PLEKHA6: variants seen among roughly 807,000 people sequenced by gnomAD.
PLEKHA6 encodes the protein pleckstrin homology domain-containing family A member 6.
In PLEKHA6, 60 loss-of-function variants were observed where a neutral mutation model predicts 116.7. The observed-to-expected ratio is 0.51, with a 90% CI of 0.42 to 0.64. PLEKHA6 has a LOEUF of 0.64. Among genes scored for constraint, PLEKHA6 ranks in the 30% least tolerant of loss-of-function variants. The probability of loss-of-function intolerance (pLI) is 0.00; values close to 1 mark genes in which losing one functional copy is unlikely to be tolerated. For missense variants in PLEKHA6, 1,338 were observed against 1,422.7 expected, an observed-to-expected ratio of 0.94 and a Z score of 0.96; for synonymous variants, 489 against 556.1, an observed-to-expected ratio of 0.88 and a Z score of 1.70.
intron 1 of PLEKHA6, chr1:204,309,147 T>C: frequency 1.5e-6 from 1 of 658,866 alleles, no homozygotes; most frequent in Non-Finnish European, 1.9e-6. Context: ...AGGGAAATAT[T>C]TGACGTGCAG....
intron 13 of PLEKHA6, among the ~76,000 whole-genome samples, chr1:204,246,214 C>T (rs944950648): frequency 1.3e-5 from 2 of 152,132 alleles, no homozygotes; most frequent in Admixed American, 1.3e-4. Context: ...ATTTAGCATC[C>T]CTCAGCACCA....
intron 3 of PLEKHA6, among the ~76,000 whole-genome samples, chr1:204,366,075 G>T (rs568495440): frequency 3.9e-5 from 6 of 152,364 alleles, no homozygotes; most frequent in African/African-American, 1.4e-4. Context: ...AGCACAGCCA[G>T]CCAGTCATGG....
chr1:204,251,694 A>G (rs1481133605), intron 9 of PLEKHA6: 11 of 662,866 alleles, frequency 1.7e-5, no homozygotes, highest in Non-Finnish European at 3.0e-5. Context: ...CTTGTTTCCC[A>G]GGAAACAGGG....
At chr1:204,371,201 G>T (rs1471068882) in intron 2 of PLEKHA6, among the ~76,000 whole-genome samples, 2 of 152,202 alleles carry the variant, frequency 1.3e-5, no homozygotes, top group Admixed American at 1.3e-4. Flanking sequence ...CTAGAGCGCA[G>T]CACTGGGGGC....
chr1:204,259,173 G>A lies in PLEKHA6; in HGVS notation c.1007+85C>T, dbSNP rs1466033526. 2 of 1,450,626 alleles carry A rather than the reference G, an allele frequency of 1.4e-6. No homozygotes were observed. The highest frequency in any genetic ancestry group is 1.9e-6 in the Non-Finnish European group (2 of 1,073,830). 89.9% of individuals were successfully genotyped at this position (1,450,626 alleles called of 1,614,324 possible). The stretch of plus-strand genomic sequence containing the variant: ...CCTGCTTCCAGAAGGTTTCCAACAG[G>A]GGATGCCTCGTGGGCTATGACCCCA... On this transcript the variant is annotated intron_variant, in intron 8 of 22. Transcript: ENST00000272203. The surrounding 1 kb of genome is among the most constrained non-coding windows in gnomAD (Gnocchi z 4.6).
At chr1:204,365,565 C>T (rs1013722278) in intron 3 of PLEKHA6, among the ~76,000 whole-genome samples, 2 of 152,330 alleles carry the variant, frequency 1.3e-5, no homozygotes, top group South Asian at 2.1e-4. Flanking sequence ...GAAGCAATGA[C>T]TTCAAGTCTG....
chr1:204,224,455 C>A (rs538767498), intron 21 of PLEKHA6, among the ~76,000 whole-genome samples: 1 of 151,936 alleles, frequency 6.6e-6, no homozygotes, highest in Non-Finnish European at 1.5e-5. Context: ...GCATTTCCAC[C>A]GAGAGAGGGG....
rs1158713730 is a variant in PLEKHA6, at chr1:204,277,552, A to G, written c.-94-2743T>C. ...GGGAGACAGTCCTCCTGCCTCCCCA[A>G]TTCTCAACCCACAATACAGGCTCCT... On this transcript the variant is annotated intron_variant, in intron 1 of 22. Coordinates refer to ENST00000272203, the MANE Select transcript of PLEKHA6 (RefSeq NM_014935.5). The surrounding 1 kb of genome is among the most constrained non-coding windows in gnomAD (Gnocchi z 4.1). 2 of 152,134 alleles carry G rather than the reference A, an allele frequency of 1.3e-5. No homozygotes were observed. Among genetic ancestry groups the G allele is most frequent in the Admixed American group, 6.6e-5 (1 of 15,266 alleles). 9.4% of individuals were successfully genotyped at this position (152,134 alleles called of 1,614,324 possible). A position where few individuals can be genotyped will look rare whatever the true frequency, so the allele number is the denominator to read the frequency against.
Position 204,359,776 on chromosome 1 carries a change from T to A in PLEKHA6, c.-177A>T. ...ACCCCTCCCCCCAGCTCAGGCCAGC[T>A]GGGGTCCTCCTCCCCCGCCCCTGGG... On this transcript the variant is annotated 5_prime_UTR_variant, in exon 1 of 23. Coordinates refer to ENST00000272203, the MANE Select transcript of PLEKHA6 (RefSeq NM_014935.5). 5 of 864,108 alleles carry A rather than the reference T, an allele frequency of 5.8e-6. No individual in the cohort carries two copies. Among genetic ancestry groups the A allele is most frequent in the Non-Finnish European group, 7.0e-6 (5 of 718,736 alleles). The allele number at this position is 864,108 out of a possible 1,614,324, so 53.5% of individuals were successfully genotyped here.
At chr1:204,376,371 A>G (rs536741112) in intron 1 of PLEKHA6, among the ~76,000 whole-genome samples, 1 of 152,358 alleles carries the variant, frequency 6.6e-6, no homozygotes, top group South Asian at 2.1e-4. Flanking sequence ...GATTCTTATA[A>G]ACTCTAATGT....
chr1:204,279,003 C>T (rs374368846), intron 1 of PLEKHA6, among the ~76,000 whole-genome samples: 35 of 152,242 alleles, frequency 2.3e-4, no homozygotes, highest in African/African-American at 8.4e-4. Flanking sequence ...TTTGCTTCTG[C>T]CCCCTCGCCC....
At chr1:204,370,208 A>G (rs1435941770) in intron 2 of PLEKHA6, among the ~76,000 whole-genome samples, 2 of 152,256 alleles carry the variant, frequency 1.3e-5, no homozygotes, top group South Asian at 4.1e-4. Flanking sequence ...TAAAATGAAG[A>G]GTCGAACTCC....
intron 9 of PLEKHA6, among the ~76,000 whole-genome samples, chr1:204,254,617 T>G (rs1255776094): frequency 1.3e-5 from 2 of 152,194 alleles, no homozygotes; most frequent in Non-Finnish European, 2.9e-5. Context: ...TCAACCTCTC[T>G]GTGCTTTAGT....
At chr1:204,329,298 C>A (rs4077533) in intron 1 of PLEKHA6, among the ~76,000 whole-genome samples, 66,300 of 151,968 alleles carry the variant, frequency 0.44, 14,786 homozygotes, top group Middle Eastern at 0.51. Flanking sequence ...TTCAACCTGG[C>A]CTTCATGGGG....
intron 1 of PLEKHA6, among the ~76,000 whole-genome samples, chr1:204,299,339 AG>A (rs1156802465): frequency 6.6e-6 from 1 of 152,258 alleles, no homozygotes; most frequent in African/African-American, 2.4e-5. Flanking sequence ...CCTAGACACC[AG>A]GCCATCTGAG....
chr1:204,278,876 C>A (rs1394260672), intron 1 of PLEKHA6, among the ~76,000 whole-genome samples: 1 of 152,166 alleles, frequency 6.6e-6, no homozygotes, highest in East Asian at 1.9e-4. Flanking sequence ...AATAGAAACT[C>A]TCCAGCCCTG....
intron 17 of PLEKHA6, 32 bp from the exon 18 acceptor site, chr1:204,230,618 G>A (rs537168966): frequency 9.6e-6 from 15 of 1,564,046 alleles, no homozygotes; most frequent in African/African-American, 6.8e-5. Flanking sequence ...GCTCTGACAA[G>A]TGCCTTATCC....
In PLEKHA6 at chr1:204,257,501, G is replaced by T; in HGVS notation, c.1376C>A (p.Ser459Ter). The change falls in exon 9 of 23, where the codon TCA (serine) becomes TAA (stop). Residue 459 changes from serine to a stop codon, truncating the protein, a stop_gained. Coordinates refer to ENST00000272203, the MANE Select transcript of PLEKHA6 (RefSeq NM_014935.5). LOFTEE classifies it high-confidence loss of function. The surrounding 1 kb of genome is among the most constrained non-coding windows in gnomAD (Gnocchi z 6.5). ...ACGGCTGTAGGAGCCCTGGCTGGGTGAGCGGGGCACAGAGTGGGAGCGGGG... is the reference window on the plus strand; with the variant it reads ...ACGGCTGTAGGAGCCCTGGCTGGGTTAGCGGGGCACAGAGTGGGAGCGGGG... ...LQPRSHSVPR[S>*]PSQGSYSRAR... The T allele has an allele frequency of 6.3e-7, 1 of 1,585,252 alleles. No individual in the cohort carries two copies. Among genetic ancestry groups the T allele is most frequent in the Non-Finnish European group, 8.6e-7 (1 of 1,164,184 alleles).
At chr1:204,355,526 G>A (rs1440682341) in intron 1 of PLEKHA6, among the ~76,000 whole-genome samples, 4 of 152,064 alleles carry the variant, frequency 2.6e-5, no homozygotes, top group East Asian at 1.9e-4. Context: ...TGCAACCTCC[G>A]CCTCCTGGGT....
Sources: allele counts gnomAD v4.1 joint callset (sites outside exome capture counted in the v4.1 genomes callset), GRCh38; gene constraint gnomAD v4.1.1; non-coding constraint Gnocchi (gnomAD v3.1); transcripts MANE v1.5; gene names NCBI Gene and HGNC (gene_info 2026-07-23, HGNC 2026-07-21).